PLD5: variants seen among roughly 807,000 people sequenced by gnomAD.
PLD5 encodes phospholipase D family member 5.
A neutral mutation model predicts 61.1 loss-of-function variants in PLD5; 36 were observed. The ratio of observed to expected loss-of-function variants is 0.59; its 90% CI spans 0.45 to 0.78. PLD5 has a LOEUF of 0.78. Among genes scored for constraint, PLD5 ranks in the 30% least tolerant of loss-of-function variants. The pLI, the probability that PLD5 is intolerant of heterozygous loss-of-function variation, is 0.00. For synonymous variants in PLD5, 243 were observed against 242.8 expected, an observed-to-expected ratio of 1.00 and a Z score of -0.01; for missense variants, 515 against 644.4, an observed-to-expected ratio of 0.80 and a Z score of 2.17.
At chr1:242,507,228 C>A (rs1668756431) in intron 1 of PLD5, among the ~76,000 whole-genome samples, 1 of 152,136 alleles carries the variant, frequency 6.6e-6, no homozygotes, top group Non-Finnish European at 1.5e-5. Flanking sequence ...AAACAGCAGG[C>A]CTTTGGCATT....
intron 1 of PLD5, among the ~76,000 whole-genome samples, chr1:242,406,664 A>C (rs955709278): frequency 2.0e-5 from 3 of 152,248 alleles, no homozygotes; most frequent in Non-Finnish European, 4.4e-5. Flanking sequence ...GCTCAGTTTC[A>C]TCAAGATTTT....
intron 1 of PLD5, among the ~76,000 whole-genome samples, chr1:242,488,450 A>G (rs1002252834): frequency 1.2e-4 from 18 of 152,186 alleles, no homozygotes; most frequent in Admixed American, 9.8e-4. Context: ...GACACCTTAA[A>G]TGCATATTGC....
chr1:242,386,790 A>G (rs181188781), intron 1 of PLD5, among the ~76,000 whole-genome samples: 1 of 152,348 alleles, frequency 6.6e-6, no homozygotes, highest in Admixed American at 6.5e-5. Flanking sequence ...TAGACTGAAT[A>G]TTAGGGAAGT....
intron 2 of PLD5, among the ~76,000 whole-genome samples, chr1:242,294,260 G>C (rs1675528126): frequency 6.6e-6 from 1 of 152,100 alleles, no homozygotes; most frequent in African/African-American, 2.4e-5. Context: ...AGCTTAGGTG[G>C]AATAAATACA....
At chr1:242,227,920 A>G (rs1241146013) in intron 4 of PLD5, among the ~76,000 whole-genome samples, 2 of 152,242 alleles carry the variant, frequency 1.3e-5, no homozygotes, top group Admixed American at 1.3e-4. Context: ...TCATCCCAGG[A>G]TACCCATTCC....
intron 2 of PLD5, among the ~76,000 whole-genome samples, chr1:242,299,168 T>C (rs1389972111): frequency 6.6e-6 from 1 of 152,160 alleles, no homozygotes; most frequent in Non-Finnish European, 1.5e-5. Flanking sequence ...TAGATAGGAG[T>C]ATCCATTTAT....
intron 5 of PLD5, among the ~76,000 whole-genome samples, chr1:242,167,730 T>C (rs1213885964): frequency 1.3e-5 from 2 of 152,202 alleles, no homozygotes; most frequent in African/African-American, 2.4e-5. Context: ...TACAGAAACT[T>C]ATCCAAAATC....
In PLD5 at chr1:242,114,107, A is replaced by G. The variant is rs555878644; in HGVS notation, c.934-81T>C. On this transcript the variant is annotated intron_variant, in intron 6 of 9. Coordinates refer to ENST00000536534, the MANE Select transcript of PLD5 (RefSeq NM_001372062.1). ...TTATTTATTTCCTTTGTTTCCACGG[A>G]CCTTGGCTTGTAACTATATTTTTGC... The G allele has an allele frequency of 1.2e-4, 183 of 1,484,628 alleles. 2 individuals are homozygous for G. In the South Asian group the frequency reaches 2.2e-3, roughly 18 times the overall value. 92.0% of individuals were successfully genotyped at this position (1,484,628 alleles called of 1,614,324 possible). A position where few individuals can be genotyped will look rare whatever the true frequency, so the allele number is the denominator to read the frequency against.
intron 1 of PLD5, among the ~76,000 whole-genome samples, chr1:242,409,813 A>T (rs1664446471): frequency 6.6e-6 from 1 of 152,116 alleles, no homozygotes; most frequent in South Asian, 2.1e-4. Context: ...TGTTCTACAC[A>T]CCTGGGGATA....
chr1:242,176,328 A>C (rs1667141888), intron 5 of PLD5, among the ~76,000 whole-genome samples: 1 of 152,220 alleles, frequency 6.6e-6, no homozygotes, highest in Non-Finnish European at 1.5e-5. Context: ...CCAAAGAAGC[A>C]ATGGGGAAAG....
chr1:242,485,963 G>C (rs1667945279), intron 1 of PLD5, among the ~76,000 whole-genome samples: 1 of 152,106 alleles, frequency 6.6e-6, no homozygotes, highest in South Asian at 2.1e-4. Context: ...AAGAAATGGG[G>C]AAAGGATTCC....
intron 1 of PLD5, among the ~76,000 whole-genome samples, chr1:242,402,266 G>GA (rs1322356505): frequency 6.6e-5 from 10 of 152,058 alleles, no homozygotes; most frequent in Admixed American, 4.6e-4. Flanking sequence ...ACTTCCACCA[G>GA]AAAAAATAGA....
chr1:242,286,909 C>T (rs1024627052), intron 3 of PLD5, among the ~76,000 whole-genome samples: 1 of 152,088 alleles, frequency 6.6e-6, no homozygotes, highest in African/African-American at 2.4e-5. Flanking sequence ...ATGTGTTTTG[C>T]ATGTAAAAGA....
At chr1:242,507,287 T>C (rs952527941) in intron 1 of PLD5, among the ~76,000 whole-genome samples, 1 of 152,202 alleles carries the variant, frequency 6.6e-6, no homozygotes, top group Admixed American at 6.5e-5. Context: ...AACCCTGAAA[T>C]TCAATCTCAT....
chr1:242,302,910 T>C (rs996255742), intron 2 of PLD5, among the ~76,000 whole-genome samples: 2 of 152,140 alleles, frequency 1.3e-5, no homozygotes, highest in South Asian at 4.1e-4. Flanking sequence ...CCTTACACTA[T>C]TTATTAAGCC....
intron 1 of PLD5, among the ~76,000 whole-genome samples, chr1:242,436,479 C>G (rs974182149): frequency 2.0e-5 from 3 of 151,750 alleles, no homozygotes; most frequent in Non-Finnish European, 4.4e-5. Flanking sequence ...TAGAATTCAC[C>G]TTTTAAAAAA....
intron 5 of PLD5, chr1:242,147,692 T>C (rs1301981383): frequency 6.6e-6 from 1 of 152,234 alleles, no homozygotes; most frequent in East Asian, 1.9e-4. Context: ...AATTTTTTTA[T>C]GTTTTGAATA....
intron 1 of PLD5, among the ~76,000 whole-genome samples, chr1:242,512,158 T>C (rs202121282): frequency 9.2e-5 from 14 of 151,414 alleles, no homozygotes; most frequent in East Asian, 7.8e-4. Context: ...ACGCCTGTAA[T>C]CCCAGCACTT....
chr1:242,256,035 T>C lies in PLD5; in HGVS notation c.607+9302A>G, dbSNP rs1441306328. On this transcript the variant is annotated intron_variant, in intron 4 of 9. Coordinates refer to ENST00000536534, the MANE Select transcript of PLD5 (RefSeq NM_001372062.1). The surrounding 1 kb of genome is among the most constrained non-coding windows in gnomAD (Gnocchi z 5.7). Reference sequence around the variant, plus strand: ...AGGGCTTATTAGGTCCCTGTGGCTATTGGTTATTCACTAATATGGGTAAGG... The same window carrying C: ...AGGGCTTATTAGGTCCCTGTGGCTACTGGTTATTCACTAATATGGGTAAGG... 3.3e-5 allele frequency among the ~76,000 whole-genome samples: 5 copies of C among 152,210 alleles called. No homozygotes were observed. The highest frequency in any genetic ancestry group is 1.2e-4 in the African/African-American group (5 of 41,460).
Sources: allele counts gnomAD v4.1 joint callset (sites outside exome capture counted in the v4.1 genomes callset), GRCh38; gene constraint gnomAD v4.1.1; non-coding constraint Gnocchi (gnomAD v3.1); transcripts MANE v1.5; gene names NCBI Gene and HGNC (gene_info 2026-07-23, HGNC 2026-07-21).